OSBPL3: variants seen among roughly 807,000 people sequenced by gnomAD.
The protein encoded by OSBPL3 is oxysterol binding protein like 3.
OSBPL3 carries 65 observed loss-of-function variants against 120.1 expected under a neutral mutation model. The ratio of observed to expected loss-of-function variants is 0.54; its 90% CI spans 0.44 to 0.67. The LOEUF (loss-of-function observed/expected upper bound fraction) is 0.67, where lower values mean the gene tolerates loss of function less well. Among genes scored for constraint, OSBPL3 ranks in the 30% least tolerant of loss-of-function variants. OSBPL3 has a pLI of 0.00. For missense variants in OSBPL3, 1,004 were observed against 1,082.1 expected, an observed-to-expected ratio of 0.93 and a Z score of 1.01; for synonymous variants, 416 against 402.6, an observed-to-expected ratio of 1.03 and a Z score of -0.40.
chr7:24,966,744 G>A lies in OSBPL3; in HGVS notation c.-150+13142C>T, dbSNP rs150752073. Among the ~76,000 whole-genome samples the A allele has an allele frequency of 2.0e-5, 3 of 152,324 alleles. No individual in the cohort carries two copies. Among genetic ancestry groups the A allele is most frequent in the Middle Eastern group, 3.4e-3 (1 of 294 alleles). ...AGTTTTACACTATGTTTGTGTATAT[G>A]TATGTTTATAAGGTAAAAGAACTGC... On this transcript the variant is annotated intron_variant, in intron 1 of 22. Transcript: ENST00000313367. The surrounding 1 kb of genome is among the most constrained non-coding windows in gnomAD (Gnocchi z 4.8).
chr7:24,893,595 T>G (rs1805676328), intron 1 of OSBPL3, among the ~76,000 whole-genome samples: 1 of 152,154 alleles, frequency 6.6e-6, no homozygotes, highest in Non-Finnish European at 1.5e-5. Context: ...GAGGATTACC[T>G]GAGGTCAGGA....
At chr7:24,960,669 A>T (rs1213033321) in intron 1 of OSBPL3, among the ~76,000 whole-genome samples, 2 of 152,212 alleles carry the variant, frequency 1.3e-5, no homozygotes, top group Non-Finnish European at 2.9e-5. Context: ...AAATAAAAAG[A>T]TGTGAAGTCT....
chr7:24,823,652 C>CATAT (rs1156627283), intron 16 of OSBPL3, among the ~76,000 whole-genome samples: 3 of 152,190 alleles, frequency 2.0e-5, no homozygotes, highest in Non-Finnish European at 4.4e-5. Flanking sequence ...CTCAGTCTCG[C>CATAT]ATATTTCTTT....
At chr7:24,973,659 G>T (rs573181092) in intron 1 of OSBPL3, among the ~76,000 whole-genome samples, 2 of 152,136 alleles carry the variant, frequency 1.3e-5, no homozygotes, top group Non-Finnish European at 2.9e-5. Flanking sequence ...TATTATAAAA[G>T]AATTTTTAAA....
intron 1 of OSBPL3, among the ~76,000 whole-genome samples, chr7:24,928,377 G>C (rs981774381): frequency 1.1e-4 from 17 of 151,976 alleles, no homozygotes; most frequent in Non-Finnish European, 2.2e-4. Context: ...CTTTTTAGTA[G>C]AGACGGGGTT....
chr7:24,847,740 GATAATACC>G, intron 12 of OSBPL3, among the ~76,000 whole-genome samples: 1 of 152,294 alleles, frequency 6.6e-6, no homozygotes, highest in African/African-American at 2.4e-5. Flanking sequence ...ACAAACTCCA[GATAATACC>G]ATAGTACATG....
At chr7:24,960,102 A>C (rs1815550497) in intron 1 of OSBPL3, among the ~76,000 whole-genome samples, 1 of 152,188 alleles carries the variant, frequency 6.6e-6, no homozygotes, top group Non-Finnish European at 1.5e-5. Flanking sequence ...TCCAATGCAG[A>C]TATATGCCTC....
At chr7:24,910,805 C>T (rs1438857156) in intron 1 of OSBPL3, among the ~76,000 whole-genome samples, 4 of 152,178 alleles carry the variant, frequency 2.6e-5, no homozygotes, top group Non-Finnish European at 5.9e-5. Context: ...GTGGATAGGG[C>T]TTGACTAGGT....
intron 1 of OSBPL3, among the ~76,000 whole-genome samples, chr7:24,928,517 T>A (rs1388430536): frequency 1.3e-5 from 2 of 152,092 alleles, no homozygotes; most frequent in African/African-American, 4.8e-5. Context: ...AATTACCCAG[T>A]CTCAGGGTAT....
rs1307947056 is a variant in OSBPL3, at chr7:24,855,376, G to A, written c.1028-2742C>T. On this transcript the variant is annotated intron_variant, in intron 10 of 22. Coordinates refer to ENST00000313367, the MANE Select transcript of OSBPL3 (RefSeq NM_015550.4). This position sits in a 1 kb window ranked among gnomAD's most constrained non-coding sequence, Gnocchi z 4.3. ...CAAGGCTTTCCACCAAATGAGAAGA[G>A]TCCTACATAAATTTTAAAAACTGGC... is the stretch of plus-strand genomic sequence containing the variant. 6.6e-6 allele frequency among the ~76,000 whole-genome samples: 1 copy of A among 152,200 alleles called. No homozygotes were observed. The highest frequency in any genetic ancestry group is 1.5e-5 in the Non-Finnish European group (1 of 68,030).
chr7:24,821,136 G>T lies in OSBPL3; in HGVS notation c.1885-898C>A, dbSNP rs746096008. Among the ~76,000 whole-genome samples the T allele has an allele frequency of 1.3e-4, 20 of 152,222 alleles. No individual in the cohort carries two copies. The highest frequency in any genetic ancestry group is 7.2e-4 in the Admixed American group (11 of 15,286). ...AGTAATGCTGCCAAGGGTGTTTCCA[G>T]AAAGTTCTCTGATGTAGCTGATTCT... On this transcript the variant is annotated intron_variant, in intron 16 of 22. Transcript: ENST00000313367. The surrounding 1 kb of genome is among the most constrained non-coding windows in gnomAD (Gnocchi z 5.5).
At chr7:24,868,712 G>C (rs986231881) in intron 5 of OSBPL3, among the ~76,000 whole-genome samples, 1 of 152,144 alleles carries the variant, frequency 6.6e-6, no homozygotes, top group African/African-American at 2.4e-5. Flanking sequence ...AATACAAACA[G>C]ACTCACACCT....
intron 12 of OSBPL3, 97 bp from the exon 13 acceptor site, chr7:24,842,510 C>T: frequency 1.1e-6 from 1 of 923,636 alleles, no homozygotes; most frequent in Non-Finnish European, 1.6e-6. Context: ...AGGTCACAGG[C>T]CCATGCAAAT....
At chr7:24,846,068 C>T (rs991696682) in intron 12 of OSBPL3, among the ~76,000 whole-genome samples, 3 of 152,132 alleles carry the variant, frequency 2.0e-5, no homozygotes, top group African/African-American at 7.2e-5. Context: ...ACCCCTTTCC[C>T]ATTGGCTTTT....
Position 24,866,088 on chromosome 7 carries a change from G to T in OSBPL3, c.531C>A (p.Asp177Glu). ...TITDSSSGVF[D>E]SISSRKRSSI... ...TCATTACCTTCCTACTTGAAATGGA[G>T]TCAAACACCCCAGATGAAGAGTCTG... The change falls in exon 6 of 23, where the codon GAC (aspartate) becomes GAA (glutamate). Residue 177 changes from aspartate to glutamate, a missense_variant. Asp to Glu is a conservative substitution (Grantham distance 45). Coordinates refer to ENST00000313367, the MANE Select transcript of OSBPL3 (RefSeq NM_015550.4). 1 of 1,613,770 alleles carries T rather than the reference G, an allele frequency of 6.2e-7. No homozygotes were observed. The highest frequency in any genetic ancestry group is 1.1e-5 in the South Asian group (1 of 91,064).
rs1811940553 is a variant in OSBPL3, at chr7:24,932,754, T to C, written c.-149-40133A>G. On this transcript the variant is annotated intron_variant, in intron 1 of 22. Transcript: ENST00000313367. This position sits in a 1 kb window ranked among gnomAD's most constrained non-coding sequence, Gnocchi z 5.6. ...TGATGTTTATAAGCCACCCAGTTTA[T>C]GCTATTTTGTTAGAGCAGCCCAAAT... 1.3e-5 allele frequency among the ~76,000 whole-genome samples: 2 copies of C among 152,214 alleles called. No individual in the cohort carries two copies. The highest frequency in any genetic ancestry group is 2.1e-4 in the South Asian group (1 of 4,828).
Position 24,912,985 on chromosome 7 carries a change from A to T in OSBPL3, c.-149-20364T>A, listed in dbSNP as rs1258127145. On this transcript the variant is annotated intron_variant, in intron 1 of 22. Transcript: ENST00000313367. The surrounding 1 kb of genome is among the most constrained non-coding windows in gnomAD (Gnocchi z 4.5). ...TAAGCTCAAGCTAGCCAACATGGAA[A>T]GAACACATGGAGAGATCCATTCGGA... Among the ~76,000 whole-genome samples the T allele has an allele frequency of 6.6e-6, 1 of 152,216 alleles. No individual in the cohort carries two copies. The highest frequency in any genetic ancestry group is 1.5e-5 in the Non-Finnish European group (1 of 68,034).
rs1225968480 is a variant in OSBPL3, at chr7:24,817,487, T to TG, written c.1949-800dup. Among the ~76,000 whole-genome samples the TG allele has an allele frequency of 3.3e-5, 5 of 151,882 alleles. No individual in the cohort carries two copies. The highest frequency in any genetic ancestry group is 4.8e-5 in the African/African-American group (2 of 41,284). ...TGCCATTGCACTCCAGCCTGGGTGA[T>TG]GGAGTGAGATTCTGCCAAAAAAAAC... On this transcript the variant is annotated intron_variant, in intron 17 of 22. Coordinates refer to ENST00000313367, the MANE Select transcript of OSBPL3 (RefSeq NM_015550.4). The surrounding 1 kb of genome is among the most constrained non-coding windows in gnomAD (Gnocchi z 4.0).
rs568988144 is a variant in OSBPL3, at chr7:24,874,444, C to T, written c.97-2375G>A. Among the ~76,000 whole-genome samples the T allele has an allele frequency of 1.0e-3, 154 of 152,244 alleles. 3 individuals carry two copies. The highest frequency in any genetic ancestry group is 8.1e-3 in the South Asian group (39 of 4,824). Reference sequence around the variant, plus strand: ...AATGCAAATACCAAGAGGAATCAGACGTTATTGCATCCTTTACAAAACTGA... The same window carrying T: ...AATGCAAATACCAAGAGGAATCAGATGTTATTGCATCCTTTACAAAACTGA... On this transcript the variant is annotated intron_variant, in intron 2 of 22. Coordinates refer to ENST00000313367, the MANE Select transcript of OSBPL3 (RefSeq NM_015550.4).
Sources: gnomAD v4.1 joint callset for allele counts (sites outside exome capture counted in the v4.1 genomes callset) on GRCh38, gnomAD v4.1.1 for gene constraint, Gnocchi (gnomAD v3.1) non-coding constraint, MANE v1.5 for transcripts, NCBI Gene and HGNC (gene_info 2026-07-23, HGNC 2026-07-21) for gene names.